ARID1B: variants seen among roughly 807,000 people sequenced by gnomAD.
The protein encoded by ARID1B is AT-rich interaction domain 1B, also known as AT-rich interactive domain-containing protein 1B.
In ARID1B, 30 loss-of-function variants were observed where a neutral mutation model predicts 212.3. The ratio of observed to expected loss-of-function variants is 0.14; its 90% confidence interval spans 0.11 to 0.19. The LOEUF (loss-of-function observed/expected upper bound fraction) is 0.19, where lower values mean the gene tolerates loss of function less well. Among genes scored for constraint, ARID1B ranks in the 10% least tolerant of loss-of-function variants. ARID1B has a pLI of 1.00. For missense variants in ARID1B, 2,891 were observed against 3,204.0 expected, an observed-to-expected ratio of 0.90 and a Z score of 2.36; for synonymous variants, 1,402 against 1,301.7, an observed-to-expected ratio of 1.08 and a Z score of -1.66.
chr6:157,204,186 G>T, intron 19 of ARID1B, 190 bp downstream of exon 19: 1 of 683,350 alleles, frequency 1.5e-6, no homozygotes, highest in East Asian at 2.7e-5. Context: ...AGTCTTTAGT[G>T]TGTGTACACA....
chr6:157,189,037 T>C (rs1793172484), intron 13 of ARID1B, among the ~76,000 whole-genome samples: 1 of 152,228 alleles, frequency 6.6e-6, no homozygotes, highest in Non-Finnish European at 1.5e-5. Context: ...TCTGATTTCA[T>C]AGGTCAAAAA....
chr6:157,125,307 G>C (rs1480345865), intron 6 of ARID1B, among the ~76,000 whole-genome samples: 1 of 150,332 alleles, frequency 6.7e-6, no homozygotes, highest in Non-Finnish European at 1.5e-5. Flanking sequence ...TCAAAGCTTA[G>C]AGGGCAGGAA....
intron 5 of ARID1B, among the ~76,000 whole-genome samples, chr6:157,098,567 G>T (rs559330697): frequency 2.0e-5 from 3 of 152,310 alleles, no homozygotes; most frequent in African/African-American, 7.2e-5. Flanking sequence ...GGGATGCCTC[G>T]CAGATCCTCA....
intron 13 of ARID1B, 32 bp downstream of exon 13, chr6:157,184,467 G>A (rs575314894): frequency 8.7e-6 from 14 of 1,612,706 alleles, no homozygotes; most frequent in Non-Finnish European, 1.2e-5. Flanking sequence ...ACTGGCCCAG[G>A]AAAGCCCAGG....
intron 3 of ARID1B, among the ~76,000 whole-genome samples, chr6:156,926,253 A>G (rs1386387390): frequency 6.6e-6 from 1 of 152,224 alleles, no homozygotes; most frequent in Non-Finnish European, 1.5e-5. Flanking sequence ...ACCTAGGGGA[A>G]AAATGAAATT....
intron 2 of ARID1B, among the ~76,000 whole-genome samples, chr6:156,882,904 G>A (rs1156766574): frequency 6.6e-6 from 1 of 152,158 alleles, no homozygotes; most frequent in Non-Finnish European, 1.5e-5. Context: ...CTGTATTTTT[G>A]TGGCTAGGGG....
chr6:157,084,576 G>T lies in ARID1B; in HGVS notation c.2248-86G>T, dbSNP rs2128461475. 5 of 1,502,240 alleles carry T rather than the reference G, an allele frequency of 3.3e-6. No homozygotes were observed. The South Asian group carries it at 5.3e-5, about 16-fold the overall frequency. The allele number at this position is 1,502,240 out of a possible 1,614,324, so 93.1% of individuals were successfully genotyped here. A position where few individuals can be genotyped will look rare whatever the true frequency, so the allele number is the denominator to read the frequency against. The stretch of plus-strand genomic sequence containing the variant: ...CCCAGAAAACCTTCATCTCTGAAGG[G>T]GACGTCATTATGATTTTCAAGTCGT... On this transcript the variant is annotated intron_variant, in intron 4 of 19. Transcript: ENST00000636930.
intron 1 of ARID1B, among the ~76,000 whole-genome samples, chr6:156,818,366 C>A (rs1782122622): frequency 1.3e-5 from 2 of 151,932 alleles, no homozygotes; most frequent in South Asian, 4.1e-4. Flanking sequence ...TCTTAACTGG[C>A]ATTTTAATAC....
At chr6:157,152,702 C>G (rs1562307457) in intron 8 of ARID1B, among the ~76,000 whole-genome samples, 4 of 152,146 alleles carry the variant, frequency 2.6e-5, no homozygotes. Context: ...TTTCAACATG[C>G]TTTTGCTTTA....
At chr6:157,122,871 C>T (rs537454230) in intron 6 of ARID1B, among the ~76,000 whole-genome samples, 19 of 151,794 alleles carry the variant, frequency 1.3e-4, no homozygotes, top group South Asian at 1.3e-3. Context: ...TAGTAGAGAC[C>T]GGGTTTCACC....
At chr6:157,005,632 C>T (rs2128441754) in intron 4 of ARID1B, among the ~76,000 whole-genome samples, 1 of 152,272 alleles carries the variant, frequency 6.6e-6, no homozygotes, top group Non-Finnish European at 1.5e-5. Flanking sequence ...GTGATTTGTT[C>T]ATGAACTTTG....
rs115375626 is a variant in ARID1B, at chr6:156,861,656, C to A, written c.1986+32235C>A. On this transcript the variant is annotated intron_variant, in intron 2 of 19. Coordinates refer to ENST00000636930, the MANE Select transcript of ARID1B (RefSeq NM_001374828.1). ...ATTAATAAATAAATAAGAAACCAGA[C>A]CAGAGACAGGTTGTGAATGTGAATG... Among the ~76,000 whole-genome samples the A allele has an allele frequency of 3.2e-3, 489 of 152,138 alleles. 2 individuals carry two copies. The highest frequency in any genetic ancestry group is 0.011 in the African/African-American group (465 of 41,500).
At chr6:157,074,521 G>A (rs1037748748) in intron 4 of ARID1B, among the ~76,000 whole-genome samples, 12 of 152,202 alleles carry the variant, frequency 7.9e-5, no homozygotes, top group Admixed American at 5.2e-4. Flanking sequence ...CACCATGCCC[G>A]GCCAATTTAC....
chr6:156,952,520 G>A (rs746863065), intron 4 of ARID1B, among the ~76,000 whole-genome samples: 2 of 152,188 alleles, frequency 1.3e-5, no homozygotes, highest in African/African-American at 4.8e-5. Context: ...ATGGTTGGTC[G>A]TGGGAAGAAG....
At chr6:157,183,925 CT>C (rs1311494938) in intron 12 of ARID1B, among the ~76,000 whole-genome samples, 1 of 152,180 alleles carries the variant, frequency 6.6e-6, no homozygotes, top group Non-Finnish European at 1.5e-5. Context: ...GCCGTTGTTG[CT>C]TTTTAAATGT....
chr6:157,074,650 G>A (rs925006972), intron 4 of ARID1B, among the ~76,000 whole-genome samples: 11 of 152,162 alleles, frequency 7.2e-5, no homozygotes, highest in Non-Finnish European at 1.5e-4. Context: ...TCTCTCCCTT[G>A]TTCAAAGGTA....
intron 4 of ARID1B, among the ~76,000 whole-genome samples, chr6:157,063,229 G>A (rs1014506944): frequency 2.0e-5 from 3 of 151,638 alleles, no homozygotes; most frequent in African/African-American, 7.3e-5. Context: ...ATTTTTTCAT[G>A]CCAGTGTGAA....
At chr6:156,940,706 C>T (rs1367269814) in intron 4 of ARID1B, 2 of 152,166 alleles carry the variant, frequency 1.3e-5, no homozygotes, top group Admixed American at 6.5e-5. Context: ...GGCAAAAGGT[C>T]ATGTGTTTTG....
intron 3 of ARID1B, among the ~76,000 whole-genome samples, chr6:156,918,962 G>C (rs1023699710): frequency 6.6e-6 from 1 of 152,082 alleles, no homozygotes; most frequent in African/African-American, 2.4e-5. Flanking sequence ...AATTTGCTGC[G>C]TTAACAGTTT....
Sources: allele counts gnomAD v4.1 joint callset (sites outside exome capture counted in the v4.1 genomes callset), GRCh38; gene constraint gnomAD v4.1.1; transcripts MANE v1.5; gene names NCBI Gene and HGNC (gene_info 2026-07-23, HGNC 2026-07-21).